KDSR: variants seen among roughly 807,000 people sequenced by gnomAD.
The protein encoded by KDSR is 3-dehydrosphinganine reductase.
A neutral mutation model predicts 41.3 loss-of-function variants in KDSR; 23 were observed. The ratio of observed to expected loss-of-function variants is 0.56; its 90% CI spans 0.40 to 0.79. The LOEUF (loss-of-function observed/expected upper bound fraction) is 0.79. KDSR is among the 30% of genes least tolerant of loss of function. The probability of loss-of-function intolerance (pLI) is 0.00; values close to 1 mark genes in which losing one functional copy is unlikely to be tolerated. For synonymous variants in KDSR, 138 were observed against 151.7 expected (o/e 0.91, Z 0.66); for missense variants, 351 against 416.8 (o/e 0.84, Z 1.37).
rs780320947 is a variant in KDSR at position 63,338,802 on chromosome 18, T to C, written c.775A>G (p.Ile259Val). ...QVAKQIVKDA[I>V]QGNFNSSLGS... Reference sequence around the variant, plus strand: ...CAGAAAACAAGGATTTTACTTACTATGGCATCTTTAACAATTTGTTTGGCC... The same window carrying C: ...CAGAAAACAAGGATTTTACTTACTACGGCATCTTTAACAATTTGTTTGGCC... The change falls in exon 8 of 10, where the codon ATA becomes GTA. Residue 259 changes from isoleucine (I) to valine (V), a missense_variant and splice_region_variant. Ile to Val is a conservative substitution (Grantham distance 29). Coordinates refer to ENST00000645214, the MANE Select transcript of KDSR (RefSeq NM_002035.4). 5.0e-6 allele frequency: 8 copies of C among 1,591,002 alleles called. 1 individual carries two copies. The South Asian group carries it at 5.6e-5, about 11-fold the overall frequency.
At chr18:63,334,464 C>G (rs1368946107) in intron 9 of KDSR, among the ~76,000 whole-genome samples, 1 of 151,908 alleles carries the variant, frequency 6.6e-6, no homozygotes, top group Non-Finnish European at 1.5e-5. Flanking sequence ...AATTCTCCTA[C>G]CTCAACCTCC....
intron 9 of KDSR, among the ~76,000 whole-genome samples, chr18:63,332,389 C>T (rs997781964): frequency 1.3e-5 from 2 of 152,098 alleles, no homozygotes; most frequent in Admixed American, 6.5e-5. Context: ...GGTTGAGACC[C>T]GTGATTACTG....
intron 7 of KDSR, among the ~76,000 whole-genome samples, chr18:63,341,810 T>TA (rs1914347750): frequency 6.6e-6 from 1 of 152,096 alleles, no homozygotes; most frequent in Non-Finnish European, 1.5e-5. Context: ...TGGAAATCAA[T>TA]AAATGCTCAC....
chr18:63,349,588 T>A (rs1375361841), intron 6 of KDSR, among the ~76,000 whole-genome samples: 1 of 152,238 alleles, frequency 6.6e-6, no homozygotes, highest in Non-Finnish European at 1.5e-5. Context: ...GTTCCTATGG[T>A]ATGAGAATGG....
At chr18:63,346,919 T>C (rs186861220) in intron 6 of KDSR, among the ~76,000 whole-genome samples, 141 of 152,286 alleles carry the variant, frequency 9.3e-4, no homozygotes, top group African/African-American at 3.2e-3. Flanking sequence ...CTACATCTTC[T>C]TTTAATCTAC....
chr18:63,348,167 G>A (rs1914566927), intron 6 of KDSR, among the ~76,000 whole-genome samples: 1 of 151,926 alleles, frequency 6.6e-6, no homozygotes, highest in Admixed American at 6.6e-5. Flanking sequence ...AAAACGGTGA[G>A]GCATGGTAGT....
rs778345100 is a variant in KDSR at position 63,344,398 on chromosome 18, T to C, written c.693+12A>G. 3.2e-5 allele frequency: 51 copies of C among 1,596,032 alleles called. No individual in the cohort carries two copies. Among genetic ancestry groups the C allele is most frequent in the Non-Finnish European group, 1.5e-5 (17 of 1,163,744 alleles). On this transcript the variant is annotated intron_variant, in intron 7 of 9. Transcript: ENST00000645214. ...CATTAGAGGTTCAAATTGGGACATG[T>C]AGGATACTGACCTTTGTTCTGTTTT...
At chr18:63,350,169 C>T (rs922860283) in intron 6 of KDSR, among the ~76,000 whole-genome samples, 1 of 152,130 alleles carries the variant, frequency 6.6e-6, no homozygotes, top group Non-Finnish European at 1.5e-5. Context: ...TGGGTAGATA[C>T]GTATGTGATG....
At chr18:63,346,904 C>A (rs1914520478) in intron 6 of KDSR, among the ~76,000 whole-genome samples, 1 of 152,060 alleles carries the variant, frequency 6.6e-6, no homozygotes, top group Non-Finnish European at 1.5e-5. Context: ...TATACTAAAC[C>A]ACATCTACAT....
At chr18:63,347,843 T>TA (rs34106506) in intron 6 of KDSR, among the ~76,000 whole-genome samples, 1,722 of 145,240 alleles carry the variant, frequency 0.012, 11 homozygotes, top group Non-Finnish European at 0.013. Flanking sequence ...AAAGACTGAG[T>TA]AAAAAAAAAA....
chr18:63,362,348 TAG>T (rs1915014024), intron 2 of KDSR, among the ~76,000 whole-genome samples: 1 of 152,388 alleles, frequency 6.6e-6, no homozygotes, highest in Admixed American at 6.5e-5. Flanking sequence ...TAGATTTCAC[TAG>T]AGATATATAT....
intron 9 of KDSR, among the ~76,000 whole-genome samples, chr18:63,333,690 T>C (rs941364985): frequency 6.6e-6 from 1 of 152,210 alleles, no homozygotes; most frequent in Non-Finnish European, 1.5e-5. Context: ...TAAAACCTAA[T>C]TTTAAAACTA....
chr18:63,331,958 T>C (rs1162557275), intron 9 of KDSR, 57 bp from the exon 10 acceptor site: 1 of 1,562,656 alleles, frequency 6.4e-7, no homozygotes, highest in East Asian at 2.3e-5. Context: ...TATTTCAAGG[T>C]ACCTAGGTCT....
At chr18:63,354,230 G>A (rs897583288) in intron 5 of KDSR, among the ~76,000 whole-genome samples, 3 of 152,092 alleles carry the variant, frequency 2.0e-5, no homozygotes, top group East Asian at 1.9e-4. Flanking sequence ...AGGACACTCC[G>A]CTTGAGCCCG....
intron 4 of KDSR, 82 bp from the exon 5 acceptor site, chr18:63,355,381 T>A: frequency 6.9e-6 from 11 of 1,604,674 alleles, no homozygotes; most frequent in Non-Finnish European, 9.3e-6. Flanking sequence ...TAAATAAAAT[T>A]TACAAAACTA....
Position 63,352,076 on chromosome 18 carries a change from G to A in KDSR, c.418-997C>T, listed in dbSNP as rs866651277. Among the ~76,000 whole-genome samples, 6 of 152,048 alleles carry A rather than the reference G, an allele frequency of 3.9e-5. No homozygotes were observed. The South Asian group carries it at 6.2e-4, about 16-fold the overall frequency. ...TGGGATTACAGGCATGAGCCACTGC[G>A]CCTAGCCTGAGCTCTTAAAAACCTT... is the stretch of plus-strand genomic sequence containing the variant. On this transcript the variant is annotated intron_variant, in intron 5 of 9. Transcript: ENST00000645214.
At chr18:63,366,895 G>A (rs1450932050) in intron 1 of KDSR, 116 bp downstream of exon 1, 2 of 472,864 alleles carry the variant, frequency 4.2e-6, no homozygotes, top group Admixed American at 4.4e-5. Flanking sequence ...TTCCCCATTT[G>A]GCCATGCCTT....
intron 3 of KDSR, chr18:63,359,535 A>G (rs1334548139): frequency 2.3e-6 from 1 of 438,590 alleles, no homozygotes; most frequent in Admixed American, 3.8e-5. Context: ...GACCATTTGT[A>G]GATATGAATG....
At chr18:63,355,332 A>G in intron 4 of KDSR, 33 bp from the exon 5 acceptor site, 1 of 1,607,334 alleles carries the variant, frequency 6.2e-7, no homozygotes, top group African/African-American at 1.3e-5. Context: ...GCATTAAGAA[A>G]CAGAGAAGAA....
Sources: gnomAD v4.1 joint callset for allele counts (sites outside exome capture counted in the v4.1 genomes callset) on GRCh38, gnomAD v4.1.1 for gene constraint, MANE v1.5 for transcripts, NCBI Gene and HGNC (gene_info 2026-07-23, HGNC 2026-07-21) for gene names.